NDST4: variants seen among roughly 807,000 people sequenced by gnomAD.
NDST4 encodes the protein N-deacetylase and N-sulfotransferase 4.
NDST4 carries 63 observed loss-of-function variants against 100.8 expected under a neutral mutation model. The observed-to-expected ratio is 0.62, with a 90% confidence interval of 0.51 to 0.77. The LOEUF is 0.77. Ranked by LOEUF, NDST4 falls within the 30% of genes least tolerant of loss-of-function variation. The pLI, the probability that NDST4 is intolerant of heterozygous loss-of-function variation, is 0.00. For missense variants in NDST4, 943 were observed against 1,018.4 expected (o/e 0.93, Z 1.01); for synonymous variants, 377 against 361.8 (o/e 1.04, Z -0.48).
intron 12 of NDST4, among the ~76,000 whole-genome samples, chr4:114,832,088 C>A (rs189074539): frequency 6.6e-6 from 1 of 152,104 alleles, no homozygotes; most frequent in African/African-American, 2.4e-5. Context: ...GTTTATTGAA[C>A]CATAAGCAAC....
intron 7 of NDST4, among the ~76,000 whole-genome samples, chr4:114,855,310 G>T (rs1723769090): frequency 6.6e-6 from 1 of 152,094 alleles, no homozygotes; most frequent in Non-Finnish European, 1.5e-5. Context: ...TTTTGCTTTG[G>T]CATGGACTTG....
At chr4:115,071,319 CAT>C (rs1011146312) in intron 2 of NDST4, among the ~76,000 whole-genome samples, 17 of 126,994 alleles carry the variant, frequency 1.3e-4, no homozygotes, top group Admixed American at 1.3e-3. Flanking sequence ...CACACACACA[CAT>C]TGATAGAGGG....
intron 1 of NDST4, among the ~76,000 whole-genome samples, chr4:115,102,983 CA>C (rs1441941517): frequency 1.3e-5 from 2 of 152,028 alleles, no homozygotes; most frequent in Non-Finnish European, 2.9e-5. Flanking sequence ...CCTGGGATTA[CA>C]AATGTGAGCC....
intron 1 of NDST4, among the ~76,000 whole-genome samples, chr4:115,097,321 C>G (rs1225642213): frequency 6.6e-6 from 1 of 152,074 alleles, no homozygotes; most frequent in Non-Finnish European, 1.5e-5. Flanking sequence ...TTAAATGAGA[C>G]CAAACCTGAT....
At chr4:115,014,376 C>A (rs137857949) in intron 2 of NDST4, among the ~76,000 whole-genome samples, 1 of 152,004 alleles carries the variant, frequency 6.6e-6, no homozygotes, top group Non-Finnish European at 1.5e-5. Context: ...TAAGATGGTA[C>A]GGAGTAAATC....
intron 2 of NDST4, among the ~76,000 whole-genome samples, chr4:115,024,054 T>C (rs997476240): frequency 3.3e-5 from 5 of 152,036 alleles, no homozygotes; most frequent in Admixed American, 3.3e-4. Flanking sequence ...CAAGCTCACA[T>C]CATGTAAGAG....
chr4:115,034,938 T>C (rs78804408), intron 2 of NDST4, among the ~76,000 whole-genome samples: 2,875 of 152,212 alleles, frequency 0.019, 94 homozygotes, highest in African/African-American at 0.066. Context: ...CTTCTTCCTC[T>C]CTTTTACAGA....
intron 2 of NDST4, among the ~76,000 whole-genome samples, chr4:115,003,201 C>T (rs1342218651): frequency 6.6e-6 from 1 of 152,110 alleles, no homozygotes; most frequent in Non-Finnish European, 1.5e-5. Context: ...AGCTATATAA[C>T]AAACCTGCAC....
intron 1 of NDST4, among the ~76,000 whole-genome samples, chr4:115,084,598 C>A (rs1261825170): frequency 6.6e-6 from 1 of 152,130 alleles, no homozygotes; most frequent in Non-Finnish European, 1.5e-5. Context: ...GGATTTGGTG[C>A]CCCGTGCCTC....
chr4:115,032,906 T>C (rs1728144907), intron 2 of NDST4, among the ~76,000 whole-genome samples: 1 of 151,928 alleles, frequency 6.6e-6, no homozygotes. Context: ...TAAATACTGC[T>C]AATTTTATAA....
At position 115,068,387 on chromosome 4, in the gene NDST4, C is replaced by T. The variant is rs146478368; in HGVS notation, c.978+7672G>A. ...AAGGAAAATCAAACCAAATAGCCTGCTAGCTTTGGACTCCAAGTTTATAAT... is the reference window on the plus strand; with the variant it reads ...AAGGAAAATCAAACCAAATAGCCTGTTAGCTTTGGACTCCAAGTTTATAAT... On this transcript the variant is annotated intron_variant, in intron 2 of 13. Transcript: ENST00000264363. Among the ~76,000 whole-genome samples, 587 of 152,192 alleles carry T rather than the reference C, an allele frequency of 3.9e-3. 3 individuals are homozygous for T. The highest frequency in any genetic ancestry group is 5.4e-3 in the Non-Finnish European group (367 of 67,996).
intron 4 of NDST4, among the ~76,000 whole-genome samples, chr4:114,941,737 C>T (rs1051189041): frequency 6.6e-6 from 1 of 152,124 alleles, no homozygotes; most frequent in Non-Finnish European, 1.5e-5. Context: ...CCCCAGGGAG[C>T]CAGTTCTATA....
At chr4:114,864,409 A>T (rs1723980534) in intron 7 of NDST4, among the ~76,000 whole-genome samples, 1 of 151,972 alleles carries the variant, frequency 6.6e-6, no homozygotes, top group South Asian at 2.1e-4. Context: ...TTGTTTCTTA[A>T]TTTTTTCTGC....
chr4:114,837,130 C>G (rs957768203), intron 11 of NDST4, among the ~76,000 whole-genome samples: 1 of 152,120 alleles, frequency 6.6e-6, no homozygotes, highest in African/African-American at 2.4e-5. Flanking sequence ...ATTCATCAAT[C>G]TCATCCTGTG....
chr4:114,836,214 C>G (rs551308772), intron 11 of NDST4, among the ~76,000 whole-genome samples: 1 of 152,200 alleles, frequency 6.6e-6, no homozygotes, highest in African/African-American at 2.4e-5. Context: ...TGTCATCAGT[C>G]TTTATATTTT....
Position 115,007,831 on chromosome 4 carries a change from A to G in NDST4, c.979-30557T>C, listed in dbSNP as rs998291081. 4.2e-4 allele frequency among the ~76,000 whole-genome samples: 55 copies of G among 130,002 alleles called. 11 individuals are homozygous for G. Among genetic ancestry groups the G allele is most frequent in the African/African-American group, 1.4e-3 (47 of 34,490 alleles). 85.3% of individuals were successfully genotyped at this position (130,002 alleles called of 152,430 possible). ...TGAAAGAAATGTAACTGAGGCAAAG[A>G]CCATCTGGCACAACTCCTCTCTGGG... On this transcript the variant is annotated intron_variant, in intron 2 of 13. Coordinates refer to ENST00000264363, the MANE Select transcript of NDST4 (RefSeq NM_022569.3).
At chr4:114,894,332 G>C (rs1335305892) in intron 6 of NDST4, among the ~76,000 whole-genome samples, 1 of 152,140 alleles carries the variant, frequency 6.6e-6, no homozygotes, top group African/African-American at 2.4e-5. Flanking sequence ...ACTTTGGGCA[G>C]TTTGGCCATT....
At chr4:115,042,627 T>C (rs182522417) in intron 2 of NDST4, among the ~76,000 whole-genome samples, 5 of 152,194 alleles carry the variant, frequency 3.3e-5, no homozygotes, top group African/African-American at 9.6e-5. Flanking sequence ...TGTATGTGTG[T>C]ATAGGAAAAA....
chr4:115,027,777 C>T (rs772109868), intron 2 of NDST4, among the ~76,000 whole-genome samples: 22 of 151,986 alleles, frequency 1.4e-4, no homozygotes, highest in Non-Finnish European at 2.8e-4. Context: ...TTCACGGCCA[C>T]GAGCTTTGTC....
Sources: gnomAD v4.1 joint callset for allele counts (sites outside exome capture counted in the v4.1 genomes callset) on GRCh38, gnomAD v4.1.1 for gene constraint, MANE v1.5 for transcripts, NCBI Gene and HGNC (gene_info 2026-07-23, HGNC 2026-07-21) for gene names.